AOPEP: variants seen among roughly 807,000 people sequenced by gnomAD.
AOPEP encodes the protein aminopeptidase O (putative).
In AOPEP, 77 loss-of-function variants were observed where a neutral mutation model predicts 98.1. That is an observed-to-expected ratio of 0.78 (90% CI 0.65 to 0.95). AOPEP has a LOEUF of 0.95. AOPEP is among the 40% of genes least tolerant of loss of function. The pLI is 0.00. For synonymous variants in AOPEP, 346 were observed against 365.3 expected (o/e 0.95, Z 0.60); for missense variants, 1,024 against 1,024.7 (o/e 1.00, Z 0.01).
At chr9:94,793,678 A>G (rs1286777807) in intron 4 of AOPEP, among the ~76,000 whole-genome samples, 1 of 142,676 alleles carries the variant, frequency 7.0e-6, no homozygotes, top group South Asian at 2.2e-4. Context: ...TCTGTCTTGG[A>G]AAAAAAAAAA....
the AOPEP span, chr9:95,114,712 T>G: frequency 6.2e-7 from 1 of 1,613,964 alleles, no homozygotes; most frequent in East Asian, 2.2e-5. Context: ...GAGGGATATC[T>G]GCGGGTGGAG....
At chr9:94,746,523 A>G (rs1834516169) in intron 1 of AOPEP, among the ~76,000 whole-genome samples, 1 of 152,180 alleles carries the variant, frequency 6.6e-6, no homozygotes, top group African/African-American at 2.4e-5. Context: ...CCACTCTGCT[A>G]TAATTTAGTT....
chr9:94,881,230 GGCT>G (rs1190631634), intron 5 of AOPEP, among the ~76,000 whole-genome samples: 2 of 144,086 alleles, frequency 1.4e-5, no homozygotes, highest in South Asian at 2.3e-4. Context: ...GCAACTTGGT[GGCT>G]GCTGCTGCTT....
intron 5 of AOPEP, among the ~76,000 whole-genome samples, chr9:94,804,958 G>T (rs999653466): frequency 6.6e-6 from 1 of 152,148 alleles, no homozygotes; most frequent in African/African-American, 2.4e-5. Context: ...AAAGCACTCC[G>T]GTCCACAGGC....
At chr9:94,962,960 G>A (rs1051133166) in intron 9 of AOPEP, among the ~76,000 whole-genome samples, 1 of 151,976 alleles carries the variant, frequency 6.6e-6, no homozygotes, top group Non-Finnish European at 1.5e-5. Flanking sequence ...TAACCAGGAT[G>A]GTCTCGACCT....
intron 16 of AOPEP, 120 bp from the exon 17 acceptor site, chr9:95,086,559 TCTC>T (rs990210234): frequency 3.0e-6 from 3 of 1,002,400 alleles, no homozygotes; most frequent in Admixed American, 5.6e-5. Context: ...GCCTGGGTCT[TCTC>T]CTTGTCCTGT....
At chr9:94,739,125 T>C (rs1258315519) in intron 1 of AOPEP, among the ~76,000 whole-genome samples, 1 of 152,192 alleles carries the variant, frequency 6.6e-6, no homozygotes, top group Non-Finnish European at 1.5e-5. Context: ...GCAGGGCTCA[T>C]CTGGCTTCCT....
At chr9:94,820,781 G>C (rs3858088) in intron 5 of AOPEP, among the ~76,000 whole-genome samples, 119,901 of 152,190 alleles carry the variant, frequency 0.79, 48,515 homozygotes, top group Non-Finnish European at 0.89. Context: ...CTTAAAAGCA[G>C]TAGAATATCA....
chr9:94,827,522 T>C (rs1268067764), intron 5 of AOPEP, among the ~76,000 whole-genome samples: 1 of 152,198 alleles, frequency 6.6e-6, no homozygotes, highest in East Asian at 1.9e-4. Context: ...TAACTTATCA[T>C]GAGGACATAG....
At chr9:94,845,520 G>A (rs2042755597) in intron 5 of AOPEP, among the ~76,000 whole-genome samples, 1 of 152,162 alleles carries the variant, frequency 6.6e-6, no homozygotes, top group Admixed American at 6.5e-5. Flanking sequence ...TGGGGGAACG[G>A]GACAGGAAAG....
chr9:94,920,822 G>T (rs1045476491), intron 5 of AOPEP, among the ~76,000 whole-genome samples: 1 of 152,162 alleles, frequency 6.6e-6, no homozygotes, highest in South Asian at 2.1e-4. Context: ...GGGGCAAGGC[G>T]GCAGACATGC....
Position 94,924,046 on chromosome 9 carries a change from C to G in AOPEP, c.1425C>G (p.Thr475=). The G allele has an allele frequency of 1.3e-6, 2 of 1,520,868 alleles. No individual in the cohort carries two copies. The highest frequency in any genetic ancestry group is 1.8e-6 in the Non-Finnish European group (2 of 1,131,374). 94.2% of individuals were successfully genotyped at this position (1,520,868 alleles called of 1,614,324 possible). A position where few individuals can be genotyped will look rare whatever the true frequency, so the allele number is the denominator to read the frequency against. Residue 475 remains threonine (T), a synonymous_variant, in exon 6 of 17, where the codon ACC becomes ACG. Coordinates refer to ENST00000375315, the MANE Select transcript of AOPEP (RefSeq NM_001193329.3). ...CAGGAGGGAACCATCTCTGTGGGAC[C>G]CGCCTCTGCCATGAAATTGCCCATG... The part of the protein sequence containing the change: ...ILTGGNHLCG[T]RLCHEIAHAW...
rs578170996 is a variant in AOPEP, at chr9:95,065,699, A to G, written c.2232+4889A>G. 1.8e-4 allele frequency among the ~76,000 whole-genome samples: 28 copies of G among 152,334 alleles called. 1 individual carries two copies. The South Asian group carries it at 5.8e-3, about 32-fold the overall frequency. The stretch of plus-strand genomic sequence containing the variant: ...GTGAAATGCTTTTATAGGGTAAAAT[A>G]CAAGGAACCAGGTCCCCCCGGGATC... On this transcript the variant is annotated intron_variant, in intron 14 of 16. Coordinates refer to ENST00000375315, the MANE Select transcript of AOPEP (RefSeq NM_001193329.3).
In AOPEP at chr9:94,917,539, A is replaced by T. The variant is rs139827639; in HGVS notation, c.1365-6447A>T. On this transcript the variant is annotated intron_variant, in intron 5 of 16. Transcript: ENST00000375315. ...TAGGATCCAGGTATCTGTCATTTAC[A>T]TCTCCATGTGACATGAAACCATAAG... Among the ~76,000 whole-genome samples, 620 of 152,198 alleles carry T rather than the reference A, an allele frequency of 4.1e-3. 4 individuals carry two copies. Among genetic ancestry groups the T allele is most frequent in the African/African-American group, 0.014 (583 of 41,508 alleles).
At chr9:95,120,872 A>C in the AOPEP span, among the ~76,000 whole-genome samples, 1 of 151,878 alleles carries the variant, frequency 6.6e-6, no homozygotes, top group Non-Finnish European at 1.5e-5. Flanking sequence ...TTTTCCCCTC[A>C]ATTTTTTTGT....
chr9:94,964,702 C>T (rs2059079753), intron 9 of AOPEP, among the ~76,000 whole-genome samples: 2 of 147,214 alleles, frequency 1.4e-5, no homozygotes, highest in African/African-American at 5.1e-5. Context: ...TGCAATGGCG[C>T]GATCTCGGCT....
chr9:94,747,057 T>G (rs1834662157), intron 1 of AOPEP, among the ~76,000 whole-genome samples: 1 of 138,262 alleles, frequency 7.2e-6, no homozygotes, highest in African/African-American at 2.7e-5. Flanking sequence ...TTTTTTTTTT[T>G]GAATATACAT....
chr9:94,894,868 G>T (rs575871050), intron 5 of AOPEP, among the ~76,000 whole-genome samples: 2 of 152,272 alleles, frequency 1.3e-5, no homozygotes, highest in Admixed American at 1.3e-4. Flanking sequence ...TCCTAAAAGT[G>T]TAAGGATGGT....
intron 5 of AOPEP, among the ~76,000 whole-genome samples, chr9:94,917,325 C>T (rs970114567): frequency 5.9e-5 from 9 of 152,194 alleles, no homozygotes; most frequent in Non-Finnish European, 1.0e-4. Flanking sequence ...CATGTTTTGT[C>T]GTTGCCATGC....
Sources: gnomAD v4.1 joint callset for allele counts (sites outside exome capture counted in the v4.1 genomes callset) on GRCh38, gnomAD v4.1.1 for gene constraint, MANE v1.5 for transcripts, NCBI Gene and HGNC (gene_info 2026-07-23, HGNC 2026-07-21) for gene names.